Variants in DPP6 observed in about 807,000 individuals in gnomAD.
The protein encoded by DPP6 is dipeptidyl peptidase like 6.
DPP6 carries 69 observed loss-of-function variants against 122.6 expected under a neutral mutation model. The ratio of observed to expected loss-of-function variants is 0.56; its 90% CI spans 0.46 to 0.69. The LOEUF (loss-of-function observed/expected upper bound fraction) is 0.69, where lower values mean the gene tolerates loss of function less well. Among genes scored for constraint, DPP6 ranks in the 30% least tolerant of loss-of-function variants. The pLI is 0.00. For synonymous variants in DPP6, 418 were observed against 433.1 expected, an observed-to-expected ratio of 0.97 and a Z score of 0.43; for missense variants, 928 against 1,116.9, an observed-to-expected ratio of 0.83 and a Z score of 2.41.
the DPP6 span, among the ~76,000 whole-genome samples, chr7:153,765,713 GCTT>G: frequency 6.6e-6 from 1 of 152,194 alleles, no homozygotes; most frequent in Non-Finnish European, 1.5e-5. Flanking sequence ...GGAGGACACA[GCTT>G]CTTATTTGAG....
At chr7:154,060,470 T>TG (rs1801622774) in intron 1 of DPP6, among the ~76,000 whole-genome samples, 2 of 129,016 alleles carry the variant, frequency 1.6e-5, no homozygotes, top group African/African-American at 6.4e-5. Flanking sequence ...CCCTCTGGCT[T>TG]AGGACCTCCA....
At chr7:154,093,739 G>A (rs1805100539) in intron 1 of DPP6, 3 of 152,098 alleles carry the variant, frequency 2.0e-5, no homozygotes, top group Admixed American at 6.6e-5. Context: ...CCACTTGGTA[G>A]TCCTGTCTTC....
chr7:154,412,305 A>G (rs189574155), intron 1 of DPP6, among the ~76,000 whole-genome samples: 2 of 152,316 alleles, frequency 1.3e-5, no homozygotes, highest in East Asian at 3.9e-4. Flanking sequence ...AGGTGCCAGC[A>G]AAGTCAAAGT....
At chr7:153,803,219 G>A in the DPP6 span, among the ~76,000 whole-genome samples, 1 of 149,244 alleles carries the variant, frequency 6.7e-6, no homozygotes. Context: ...CTTGTCCCTG[G>A]CATATGCAAA....
chr7:154,573,041 G>T (rs529143618), intron 5 of DPP6, among the ~76,000 whole-genome samples: 1 of 152,204 alleles, frequency 6.6e-6, no homozygotes, highest in African/African-American at 2.4e-5. Context: ...ATATGGTTCT[G>T]ATGTTTACTG....
chr7:154,750,904 A>C (rs1283210878), intron 8 of DPP6, among the ~76,000 whole-genome samples: 1 of 152,092 alleles, frequency 6.6e-6, no homozygotes, highest in Non-Finnish European at 1.5e-5. Flanking sequence ...AGGGCTGCAC[A>C]GGCGCTGAGG....
At chr7:154,174,102 T>G (rs1797674997) in intron 1 of DPP6, among the ~76,000 whole-genome samples, 1 of 152,146 alleles carries the variant, frequency 6.6e-6, no homozygotes, top group African/African-American at 2.4e-5. Context: ...ATTTACAGTT[T>G]CCTTTGGGTG....
intron 5 of DPP6, chr7:154,587,500 T>C: frequency 5.0e-6 from 4 of 801,444 alleles, no homozygotes; most frequent in Admixed American, 2.7e-5. Flanking sequence ...ATGCAAAATA[T>C]TGTACCTCTG....
chr7:154,832,705 C>G (rs988215150), intron 16 of DPP6, among the ~76,000 whole-genome samples: 1 of 152,190 alleles, frequency 6.6e-6, no homozygotes, highest in Non-Finnish European at 1.5e-5. Context: ...CTGACACAGT[C>G]CCAGAAATCT....
intron 1 of DPP6, chr7:154,305,418 A>G (rs1806242705): frequency 1.4e-6 from 2 of 1,409,566 alleles, no homozygotes; most frequent in African/African-American, 3.2e-5. Context: ...TCCTTACCTT[A>G]CCGCTTGGAC....
Position 154,769,697 on chromosome 7 carries a change from C to T in DPP6, c.1038+126C>T, listed in dbSNP as rs10215359. ...AGCAAAGCAGTTAACACAAGAAAGA[C>T]TAATCATGTCTCATTACATTGCATT... On this transcript the variant is annotated intron_variant, in intron 9 of 25. Transcript: ENST00000377770. The T allele has an allele frequency of 1.6e-3, 2,035 of 1,253,306 alleles. 14 individuals are homozygous for T. The African/African-American group carries it at 0.027, about 17-fold the overall frequency. 77.6% of individuals were successfully genotyped at this position (1,253,306 alleles called of 1,614,324 possible).
At chr7:154,217,630 A>G (rs1800076727) in intron 1 of DPP6, among the ~76,000 whole-genome samples, 2 of 152,370 alleles carry the variant, frequency 1.3e-5, no homozygotes, top group Admixed American at 1.3e-4. Flanking sequence ...ATCTTTAGCC[A>G]GCTTTCACTC....
chr7:154,090,941 A>G (rs1191095507), intron 1 of DPP6, among the ~76,000 whole-genome samples: 7 of 149,492 alleles, frequency 4.7e-5, no homozygotes, highest in South Asian at 2.2e-4. Flanking sequence ...TAACACAGTG[A>G]AACCCCGTCT....
rs576218011 is a variant in DPP6 at position 154,886,662 on chromosome 7, G to A, written c.2245+918G>A. Among the ~76,000 whole-genome samples, 10 of 152,314 alleles carry A rather than the reference G, an allele frequency of 6.6e-5. No homozygotes were observed. In the East Asian group the frequency reaches 1.5e-3, roughly 24 times the overall value. On this transcript the variant is annotated intron_variant, in intron 22 of 25. Coordinates refer to ENST00000377770, the MANE Select transcript of DPP6 (RefSeq NM_130797.4). Reference sequence around the variant, plus strand: ...CTGGCAAGTGAGGTGGAAATGGAGGGGGCTTCCTGCTGCTGGTCCACCGCA... The same window carrying A: ...CTGGCAAGTGAGGTGGAAATGGAGGAGGCTTCCTGCTGCTGGTCCACCGCA...
chr7:153,913,208 G>A (rs927687423), intron 1 of DPP6, among the ~76,000 whole-genome samples: 8 of 152,072 alleles, frequency 5.3e-5, no homozygotes, highest in Admixed American at 2.0e-4. Context: ...CTAAGTAGCC[G>A]GGATTACAGG....
chr7:154,659,062 T>C (rs1246070725), intron 6 of DPP6, among the ~76,000 whole-genome samples: 1 of 152,154 alleles, frequency 6.6e-6, no homozygotes, highest in East Asian at 1.9e-4. Context: ...GAGAAGAAGT[T>C]GGAAAAGTCA....
chr7:154,032,101 C>A (rs1366369107), intron 1 of DPP6, among the ~76,000 whole-genome samples: 2 of 151,178 alleles, frequency 1.3e-5, no homozygotes, highest in African/African-American at 4.9e-5. Context: ...GTCTCGATCT[C>A]CTGACCTTGT....
At chr7:154,584,233 C>G (rs1832279014) in intron 5 of DPP6, among the ~76,000 whole-genome samples, 1 of 152,222 alleles carries the variant, frequency 6.6e-6, no homozygotes, top group African/African-American at 2.4e-5. Context: ...TTCCCTCTCA[C>G]CTCTGGGCCT....
At chr7:153,879,076 T>A in the DPP6 span, among the ~76,000 whole-genome samples, 1 of 152,168 alleles carries the variant, frequency 6.6e-6, no homozygotes, top group Non-Finnish European at 1.5e-5. Flanking sequence ...ACTTCCCTAA[T>A]AGCAGTGAAC....
Sources: gnomAD v4.1 joint callset for allele counts (sites outside exome capture counted in the v4.1 genomes callset) on GRCh38, gnomAD v4.1.1 for gene constraint, MANE v1.5 for transcripts, NCBI Gene and HGNC (gene_info 2026-07-23, HGNC 2026-07-21) for gene names.